ZNF532: variants seen among roughly 807,000 people sequenced by gnomAD.
The protein encoded by ZNF532 is zinc finger protein 532.
Under a neutral mutation model 89.3 loss-of-function variants are expected in ZNF532, and 22 were observed. The observed-to-expected ratio is 0.25, with a 90% CI of 0.18 to 0.35. The LOEUF (loss-of-function observed/expected upper bound fraction) is 0.35. Ranked by LOEUF, ZNF532 falls within the 10% of genes least tolerant of loss-of-function variation. ZNF532 has a pLI of 1.00. For synonymous variants in ZNF532, 606 were observed against 649.6 expected (o/e 0.93, Z 1.02); for missense variants, 1,132 against 1,643.4 (o/e 0.69, Z 5.38).
chr18:58,984,356 T>C lies in ZNF532; in HGVS notation c.3796T>C (p.Cys1266Arg). The change falls in exon 10 of 10, where the codon TGC (cysteine) becomes CGC (arginine). Residue 1266 changes from cysteine to arginine, a missense_variant. Transcript: ENST00000591808. ...SPDGAVSDRK[C>R]KVCAKTFETE... ...TGATGGCGCCGTGTCAGACAGAAAG[T>C]GCAAAGTGTGCGCAAAAACTTTTGA... is the stretch of plus-strand genomic sequence containing the variant. The C allele has an allele frequency of 6.2e-7, 1 of 1,611,968 alleles. No individual in the cohort carries two copies. The highest frequency in any genetic ancestry group is 8.5e-7 in the Non-Finnish European group (1 of 1,179,858).
intron 7 of ZNF532, among the ~76,000 whole-genome samples, chr18:58,968,577 C>T (rs1315386515): frequency 1.3e-5 from 2 of 152,196 alleles, no homozygotes; most frequent in African/African-American, 4.8e-5. Context: ...ATCTCAAGTC[C>T]CTTCTTGTGA....
intron 2 of ZNF532, among the ~76,000 whole-genome samples, chr18:58,910,469 A>G (rs2145868333): frequency 6.6e-6 from 1 of 151,674 alleles, no homozygotes; most frequent in South Asian, 2.1e-4. Context: ...GAAATTCTCT[A>G]GTTTATTTTT....
chr18:58,913,436 T>C (rs1274633001), intron 2 of ZNF532, among the ~76,000 whole-genome samples: 2 of 152,118 alleles, frequency 1.3e-5, no homozygotes, highest in Non-Finnish European at 2.9e-5. Context: ...GAAAACATGC[T>C]AGATCCATTC....
chr18:58,945,309 C>T (rs529903776), intron 5 of ZNF532, among the ~76,000 whole-genome samples: 1 of 152,318 alleles, frequency 6.6e-6, no homozygotes, highest in South Asian at 2.1e-4. Flanking sequence ...TGATGCCATG[C>T]TTTTCTCAAA....
upstream of ZNF532, chr18:58,863,359 T>G (rs2056118695): frequency 6.8e-6 from 1 of 147,714 alleles, no homozygotes; most frequent in Non-Finnish European, 1.5e-5. Context: ...GCCGCCGGAC[T>G]CGGGGCTCCG....
At chr18:58,878,479 A>G (rs1329649395) in intron 2 of ZNF532, among the ~76,000 whole-genome samples, 3 of 152,200 alleles carry the variant, frequency 2.0e-5, no homozygotes, top group African/African-American at 7.2e-5. Context: ...CTGAAGGACT[A>G]CCATGGAATG....
chr18:58,897,762 G>C (rs1457630136), intron 2 of ZNF532, among the ~76,000 whole-genome samples: 1 of 152,160 alleles, frequency 6.6e-6, no homozygotes, highest in Non-Finnish European at 1.5e-5. Flanking sequence ...AGACCAGCCT[G>C]GCCAACATGG....
At chr18:58,927,377 T>C (rs1050076072) in intron 3 of ZNF532, among the ~76,000 whole-genome samples, 2 of 151,916 alleles carry the variant, frequency 1.3e-5, no homozygotes, top group African/African-American at 4.8e-5. Context: ...CAGTGTTCCT[T>C]TAAAAGTTTT....
intron 2 of ZNF532, among the ~76,000 whole-genome samples, chr18:58,913,178 A>C (rs928783442): frequency 2.0e-5 from 3 of 152,182 alleles, no homozygotes; most frequent in African/African-American, 7.2e-5. Flanking sequence ...AGAGCCTTGG[A>C]AATTCTAAAG....
intron 3 of ZNF532, among the ~76,000 whole-genome samples, chr18:58,930,999 C>CCTATA: frequency 6.6e-6 from 1 of 151,988 alleles, no homozygotes; most frequent in Non-Finnish European, 1.5e-5. Flanking sequence ...GCTTTATTTT[C>CCTATA]CTATAGCTTT....
At chr18:58,891,265 C>T (rs1187095622) in intron 2 of ZNF532, among the ~76,000 whole-genome samples, 1 of 152,096 alleles carries the variant, frequency 6.6e-6, no homozygotes, top group Non-Finnish European at 1.5e-5. Context: ...CCTGGTGGCT[C>T]ACGCCTGTAA....
intron 2 of ZNF532, among the ~76,000 whole-genome samples, chr18:58,873,184 C>A (rs1314440519): frequency 6.6e-6 from 1 of 152,032 alleles, no homozygotes; most frequent in Non-Finnish European, 1.5e-5. Context: ...CCACGCCCGG[C>A]TAATTTTGTT....
chr18:58,942,985 ATTG>A (rs531537884), intron 5 of ZNF532, among the ~76,000 whole-genome samples: 8 of 152,196 alleles, frequency 5.3e-5, no homozygotes, highest in South Asian at 4.1e-4. Context: ...ATGGCACACG[ATTG>A]TTGTTTAATT....
chr18:58,869,987 C>T (rs190941279), intron 2 of ZNF532, among the ~76,000 whole-genome samples: 114 of 149,828 alleles, frequency 7.6e-4, no homozygotes, highest in African/African-American at 2.6e-3. Context: ...AGGCTGGTCT[C>T]GAACTCCTGA....
intron 7 of ZNF532, among the ~76,000 whole-genome samples, chr18:58,978,018 G>A (rs974019619): frequency 6.6e-6 from 1 of 152,238 alleles, no homozygotes; most frequent in South Asian, 2.1e-4. Flanking sequence ...ACACTGTTTA[G>A]TTCCAGACTG....
In ZNF532 at chr18:58,918,280, T is replaced by A; in HGVS notation, c.-8T>A. 6.2e-7 allele frequency: 1 copy of A among 1,608,238 alleles called. No homozygotes were observed. Among genetic ancestry groups the A allele is most frequent in the Non-Finnish European group, 8.5e-7 (1 of 1,176,356 alleles). On this transcript the variant is annotated 5_prime_UTR_variant, in exon 3 of 10. Coordinates refer to ENST00000591808, the MANE Select transcript of ZNF532 (RefSeq NM_001375912.1). ...TCTGCTCATTTAACAGAACATCTGC[T>A]CAAATTAATGACCATGGGGGATATG...
At chr18:58,879,412 T>A (rs143028220) in intron 2 of ZNF532, among the ~76,000 whole-genome samples, 230 of 152,322 alleles carry the variant, frequency 1.5e-3, no homozygotes, top group Non-Finnish European at 2.0e-3. Context: ...TTTTCATTTT[T>A]TTTGAGAGGG....
rs546394695 is a variant in ZNF532 at position 58,869,761 on chromosome 18, T to G, written c.-18+4182T>G. Among the ~76,000 whole-genome samples the G allele has an allele frequency of 2.7e-5, 4 of 146,118 alleles. No homozygotes were observed. The South Asian group carries it at 9.0e-4, about 33-fold the overall frequency. On this transcript the variant is annotated intron_variant, in intron 2 of 9. Transcript: ENST00000591808. ...TTTGTTTGGAAGATTTTGGAAGATCTGTTTTTTTTTTTTTTTTTTTTTGGA... is the reference window on the plus strand; with the variant it reads ...TTTGTTTGGAAGATTTTGGAAGATCGGTTTTTTTTTTTTTTTTTTTTTGGA...
intron 7 of ZNF532, among the ~76,000 whole-genome samples, chr18:58,961,355 T>G (rs1377742900): frequency 6.6e-6 from 1 of 152,234 alleles, no homozygotes; most frequent in African/African-American, 2.4e-5. Flanking sequence ...ATACAGAGTT[T>G]GCTATGCAGA....
Sources: allele counts gnomAD v4.1 joint callset (sites outside exome capture counted in the v4.1 genomes callset), GRCh38; gene constraint gnomAD v4.1.1; transcripts MANE v1.5; gene names NCBI Gene and HGNC (gene_info 2026-07-23, HGNC 2026-07-21).